SUGCT: variants seen among roughly 807,000 people sequenced by gnomAD.
SUGCT encodes the protein succinyl-CoA:glutarate CoA-transferase.
In SUGCT, 41 loss-of-function variants were observed where a neutral mutation model predicts 55.0. The observed-to-expected ratio is 0.74, with a 90% CI of 0.58 to 0.97. SUGCT has a LOEUF of 0.97. Ranked by LOEUF, SUGCT falls within the 50% of genes least tolerant of loss-of-function variation. The pLI is 0.00. For synonymous variants in SUGCT, 187 were observed against 200.4 expected (o/e 0.93, Z 0.56); for missense variants, 568 against 547.8 (o/e 1.04, Z -0.37).
chr7:40,515,736 G>T (rs1365568727), intron 12 of SUGCT, among the ~76,000 whole-genome samples: 1 of 151,980 alleles, frequency 6.6e-6, no homozygotes, highest in Non-Finnish European at 1.5e-5. Context: ...CATTTGTATT[G>T]TATCCAAATT....
rs763794288 is a variant in SUGCT, at chr7:40,316,694, C to T, written c.721-66C>T. The T allele has an allele frequency of 6.1e-4, 627 of 1,026,352 alleles. 5 individuals carry two copies. Among genetic ancestry groups the T allele is most frequent in the Middle Eastern group, 2.1e-4 (1 of 4,808 alleles). The allele number at this position is 1,026,352 out of a possible 1,614,324, so 63.6% of individuals were successfully genotyped here. On this transcript the variant is annotated intron_variant, in intron 8 of 13. Transcript: ENST00000335693. ...AAGTGAAATTACTTTCATAATATAACGTTCTCTTTATGAGTATAGATAAAC... is the reference window on the plus strand; with the variant it reads ...AAGTGAAATTACTTTCATAATATAATGTTCTCTTTATGAGTATAGATAAAC...
the SUGCT span, among the ~76,000 whole-genome samples, chr7:41,033,429 T>A: frequency 2.6e-5 from 4 of 152,206 alleles, no homozygotes; most frequent in Admixed American, 6.5e-5. Flanking sequence ...AAACTACATC[T>A]GAGACGATTG....
Position 40,181,989 on chromosome 7 carries a change from G to T in SUGCT, c.187G>T (p.Gly63Ter). 6.2e-7 allele frequency: 1 copy of T among 1,602,244 alleles called. No individual in the cohort carries two copies. Among genetic ancestry groups the T allele is most frequent in the Non-Finnish European group, 8.5e-7 (1 of 1,172,916 alleles). The change falls in exon 3 of 14, where the codon GGA becomes TGA. Residue 63 changes from glycine to a stop codon, truncating the protein, a stop_gained. Transcript: ENST00000335693. LOFTEE classifies it high-confidence loss of function. Reference sequence around the variant, plus strand: ...GGGACCTTTTGCTACTATGAATTTAGGAGATCTTGGAGCAGAAGTTATAAA... The same window carrying T: ...GGGACCTTTTGCTACTATGAATTTATGAGATCTTGGAGCAGAAGTTATAAA... Reference protein sequence around the residue: ...LAGPFATMNLGDLGAEVIKVE... With the variant: ...LAGPFATMNL
At chr7:40,299,220 G>A (rs1414751616) in intron 8 of SUGCT, among the ~76,000 whole-genome samples, 7 of 152,128 alleles carry the variant, frequency 4.6e-5, no homozygotes, top group Non-Finnish European at 7.4e-5. Context: ...TAAAATAAGT[G>A]AACTGAGTCA....
chr7:41,004,938 C>T, the SUGCT span, among the ~76,000 whole-genome samples: 941 of 152,242 alleles, frequency 6.2e-3, 10 homozygotes, highest in African/African-American at 0.021. Context: ...ATTGTGACAT[C>T]GGTGGACTTG....
intron 13 of SUGCT, among the ~76,000 whole-genome samples, chr7:40,850,724 T>G (rs763531172): frequency 1.3e-5 from 2 of 152,244 alleles, no homozygotes; most frequent in Non-Finnish European, 2.9e-5. Context: ...GATTCCTTCC[T>G]TCCTTTTCCC....
intron 9 of SUGCT, among the ~76,000 whole-genome samples, chr7:40,354,362 C>T (rs1797787451): frequency 1.3e-5 from 2 of 152,080 alleles, no homozygotes; most frequent in South Asian, 2.1e-4. Flanking sequence ...TGTCACCTCG[C>T]CATACAGCCA....
Position 40,546,900 on chromosome 7 carries a change from A to T in SUGCT, c.1089+50514A>T, listed in dbSNP as rs540642360. ...GCCCAGCTCCGCTCTGCATGCCATT[A>T]TAAGATTAACCTTCTTCAAGCATAA... On this transcript the variant is annotated intron_variant, in intron 12 of 13. Transcript: ENST00000335693. 3.3e-5 allele frequency: 5 copies of T among 152,318 alleles called. No homozygotes were observed. In the East Asian group the frequency reaches 9.7e-4, roughly 29 times the overall value. 9.4% of individuals were successfully genotyped at this position (152,318 alleles called of 1,614,324 possible).
chr7:40,941,814 A>G, the SUGCT span, among the ~76,000 whole-genome samples: 1 of 152,104 alleles, frequency 6.6e-6, no homozygotes, highest in African/African-American at 2.4e-5. Context: ...TCTTATTGTT[A>G]TATAATGACC....
In SUGCT at chr7:40,325,912, TG is replaced by T. The variant is rs201508410; in HGVS notation, c.816+9058del. Among the ~76,000 whole-genome samples, 32 of 148,956 alleles carry T rather than the reference TG, an allele frequency of 2.1e-4. 3 individuals are homozygous for T. Among genetic ancestry groups the T allele is most frequent in the East Asian group, 1.2e-3 (6 of 5,102 alleles). ...TGGATGTGCGTCTTTTTTTTTTGTT[TG>T]TTTTTGGCAGATTCTAGAATTCTTC... On this transcript the variant is annotated intron_variant, in intron 9 of 13. Coordinates refer to ENST00000335693, the MANE Select transcript of SUGCT (RefSeq NM_001193313.2).
intron 12 of SUGCT, among the ~76,000 whole-genome samples, chr7:40,652,113 C>T (rs1800808679): frequency 6.6e-6 from 1 of 152,100 alleles, no homozygotes. Flanking sequence ...TTTCTGGATG[C>T]TATTTCTTAT....
chr7:40,230,463 C>T (rs149436596), intron 6 of SUGCT, among the ~76,000 whole-genome samples: 50 of 152,206 alleles, frequency 3.3e-4, no homozygotes, highest in Non-Finnish European at 6.6e-4. Flanking sequence ...ATTACAAATT[C>T]GAAAGGCTTT....
At chr7:40,688,966 GT>G (rs887379707) in intron 12 of SUGCT, among the ~76,000 whole-genome samples, 45 of 152,168 alleles carry the variant, frequency 3.0e-4, no homozygotes, top group African/African-American at 1.0e-3. Flanking sequence ...ATGGATGTGT[GT>G]AAAGGCTAAC....
intron 1 of SUGCT, among the ~76,000 whole-genome samples, chr7:40,150,536 G>A (rs552762645): frequency 6.6e-6 from 1 of 152,130 alleles, no homozygotes; most frequent in Admixed American, 6.5e-5. Context: ...GCTGGGCGAG[G>A]TGGTGGGCAC....
chr7:41,029,921 C>T, the SUGCT span, among the ~76,000 whole-genome samples: 5 of 152,156 alleles, frequency 3.3e-5, no homozygotes, highest in Non-Finnish European at 5.9e-5. Context: ...CCTCATCTCT[C>T]GCCTCCCCAA....
At chr7:40,320,365 C>G (rs1795662390) in intron 9 of SUGCT, among the ~76,000 whole-genome samples, 1 of 152,096 alleles carries the variant, frequency 6.6e-6, no homozygotes, top group African/African-American at 2.4e-5. Flanking sequence ...CTCGGCCTCC[C>G]AAAGTGCTGG....
the SUGCT span, among the ~76,000 whole-genome samples, chr7:41,035,771 A>G: frequency 1.3e-5 from 2 of 152,156 alleles, no homozygotes; most frequent in Non-Finnish European, 2.9e-5. Context: ...CAGCTTGTTG[A>G]CCTGTGGGAG....
the SUGCT span, among the ~76,000 whole-genome samples, chr7:41,010,696 A>G: frequency 2.0e-5 from 3 of 152,216 alleles, no homozygotes; most frequent in Non-Finnish European, 4.4e-5. Context: ...CCGGAGGGCC[A>G]TGTTTACACA....
At chr7:40,580,150 C>T (rs949860445) in intron 12 of SUGCT, among the ~76,000 whole-genome samples, 15 of 152,096 alleles carry the variant, frequency 9.9e-5, no homozygotes, top group East Asian at 1.9e-4. Context: ...AAATCCATTA[C>T]GTGAGTGAAA....
Sources: gnomAD v4.1 joint callset for allele counts (sites outside exome capture counted in the v4.1 genomes callset) on GRCh38, gnomAD v4.1.1 for gene constraint, MANE v1.5 for transcripts, NCBI Gene and HGNC (gene_info 2026-07-23, HGNC 2026-07-21) for gene names.